GFRA2: variants seen among roughly 807,000 people sequenced by gnomAD.
GFRA2 encodes GDNF family receptor alpha-2.
In GFRA2, 17 loss-of-function variants were observed where a neutral mutation model predicts 48.3. That is an observed-to-expected ratio of 0.35 (90% CI 0.24 to 0.53). The LOEUF is 0.53. Among genes scored for constraint, GFRA2 ranks in the 20% least tolerant of loss-of-function variants. The pLI is 0.93. For missense variants in GFRA2, 660 were observed against 637.3 expected (o/e 1.04, Z -0.38); for synonymous variants, 305 against 257.2 (o/e 1.19, Z -1.78).
chr8:21,725,816 A>G (rs549253648), intron 4 of GFRA2, among the ~76,000 whole-genome samples: 1 of 152,334 alleles, frequency 6.6e-6, no homozygotes, highest in East Asian at 1.9e-4. Context: ...TCTCAGAGGC[A>G]TGCACATGTT....
In GFRA2 at chr8:21,702,797, A is replaced by C. The variant is rs754312575; in HGVS notation, c.1218+8T>G. On this transcript the variant is annotated splice_region_variant and intron_variant, in intron 7 of 8. Coordinates refer to ENST00000524240, the MANE Select transcript of GFRA2 (RefSeq NM_001495.5). ...TGCTCCCCCCACGCCTCAGCCACAC[A>C]CCCTCACCTGGACAGACGTGCAGGT... The C allele has an allele frequency of 1.3e-6, 2 of 1,587,302 alleles. No individual in the cohort carries two copies. Among genetic ancestry groups the C allele is most frequent in the South Asian group, 1.1e-5 (1 of 88,468 alleles).
intron 7 of GFRA2, among the ~76,000 whole-genome samples, chr8:21,696,331 TTGTTTTGTATATTGGAGTCTTAGC>T (rs550123127): frequency 2.6e-5 from 4 of 151,848 alleles, no homozygotes; most frequent in Non-Finnish European, 4.4e-5. Context: ...CCATTTTTAT[TTGTTTTGTATATTGGAGTCTTAGC>T]TGTTTTGTAT....
At position 21,750,836 on chromosome 8, in the gene GFRA2, G is replaced by A. The variant is rs745879940; in HGVS notation, c.546C>T (p.Ile182=). The change falls in exon 4 of 9, where the codon ATC becomes ATT. Residue 182 remains isoleucine, a synonymous_variant. Coordinates refer to ENST00000524240, the MANE Select transcript of GFRA2 (RefSeq NM_001495.5). This position sits in a 1 kb window ranked among gnomAD's most constrained non-coding sequence, Gnocchi z 5.7. The part of the protein sequence containing the change: ...DNCKKLRSSY[I]SICNREISPT... Reference sequence around the variant, plus strand: ...GCGAGATCTCGCGGTTGCAGATGGAGATGTAGGAGGAGCGCAGCTTCTTGC... The same window carrying A: ...GCGAGATCTCGCGGTTGCAGATGGAAATGTAGGAGGAGCGCAGCTTCTTGC... 1.9e-6 allele frequency: 3 copies of A among 1,613,992 alleles called. No homozygotes were observed. The highest frequency in any genetic ancestry group is 1.7e-6 in the Non-Finnish European group (2 of 1,179,866).
chr8:21,735,199 G>C (rs10216392), intron 4 of GFRA2, among the ~76,000 whole-genome samples: 1 of 152,058 alleles, frequency 6.6e-6, no homozygotes, highest in African/African-American at 2.4e-5. Context: ...TAAATTGACT[G>C]AGATCTGTCT....
At position 21,769,255 on chromosome 8, in the gene GFRA2, C is replaced by CCGCCCCAGCA. The variant is rs1806328902; in HGVS notation, c.439+5716_439+5717insTGCTGGGGCG. ...AGTCTGGCCCCAGCCCCGCCCCAGC[C>CCGCCCCAGCA]CCGCCCCTGCCCTGCCCCTTCCATG... On this transcript the variant is annotated intron_variant, in intron 3 of 8. Coordinates refer to ENST00000524240, the MANE Select transcript of GFRA2 (RefSeq NM_001495.5). 2.3e-5 allele frequency: 15 copies of CCGCCCCAGCA among 654,080 alleles called. 1 individual carries two copies. Among genetic ancestry groups the CCGCCCCAGCA allele is most frequent in the Middle Eastern group, 1.6e-3 (2 of 1,260 alleles). 40.5% of individuals were successfully genotyped at this position (654,080 alleles called of 1,614,324 possible).
chr8:21,781,632 C>T (rs112349814), intron 2 of GFRA2, among the ~76,000 whole-genome samples: 7,151 of 151,234 alleles, frequency 0.047, 221 homozygotes, highest in Non-Finnish European at 0.072. Context: ...CATCAAATGA[C>T]AGAAGCCCCC....
chr8:21,787,821 G>A (rs986698583), intron 1 of GFRA2, among the ~76,000 whole-genome samples: 2 of 152,128 alleles, frequency 1.3e-5, no homozygotes, highest in Non-Finnish European at 1.5e-5. Flanking sequence ...GGGGAGATGC[G>A]CGCTATACTG....
At position 21,788,455 on chromosome 8, in the gene GFRA2, GTC is replaced by G; in HGVS notation, c.-298_-297del. On this transcript the variant is annotated 5_prime_UTR_variant, in exon 1 of 9. Transcript: ENST00000524240. The stretch of plus-strand genomic sequence containing the variant: ...TCTAAGCCAACAGCCCAGTCCTGGG[GTC>G]AGCCCTCCCCTCCAATCGTCCGGGA... The G allele has an allele frequency of 8.7e-7, 1 of 1,149,372 alleles. No individual in the cohort carries two copies. The highest frequency in any genetic ancestry group is 1.1e-6 in the Non-Finnish European group (1 of 935,964). 71.2% of individuals were successfully genotyped at this position (1,149,372 alleles called of 1,614,324 possible).
intron 7 of GFRA2, among the ~76,000 whole-genome samples, chr8:21,695,336 G>C (rs992712968): frequency 1.3e-5 from 2 of 152,152 alleles, no homozygotes; most frequent in Admixed American, 1.3e-4. Flanking sequence ...CAAATGGCTT[G>C]TTCCCAGGGC....
rs202119343 is a variant in GFRA2, at chr8:21,759,319, G to A, written c.440-8377C>T. On this transcript the variant is annotated intron_variant, in intron 3 of 8. Coordinates refer to ENST00000524240, the MANE Select transcript of GFRA2 (RefSeq NM_001495.5). Reference sequence around the variant, plus strand: ...GAGAATGGCTTGAACCCAGGAGGCAGAGGTTGCAGAGAGGCAAGAACGCAC... The same window carrying A: ...GAGAATGGCTTGAACCCAGGAGGCAAAGGTTGCAGAGAGGCAAGAACGCAC... 1.5e-4 allele frequency among the ~76,000 whole-genome samples: 23 copies of A among 151,626 alleles called. No individual in the cohort carries two copies. The East Asian group carries it at 4.3e-3, about 28-fold the overall frequency.
intron 7 of GFRA2, among the ~76,000 whole-genome samples, chr8:21,702,323 G>C (rs1425029113): frequency 6.6e-6 from 1 of 152,218 alleles, no homozygotes; most frequent in Non-Finnish European, 1.5e-5. Flanking sequence ...GAAGGAAGCA[G>C]AAAGAGAAGG....
In GFRA2 at chr8:21,693,240, C is replaced by G. The variant is rs143786626; in HGVS notation, c.*38G>C. On this transcript the variant is annotated 3_prime_UTR_variant, in exon 9 of 9. Coordinates refer to ENST00000524240, the MANE Select transcript of GFRA2 (RefSeq NM_001495.5). The stretch of plus-strand genomic sequence containing the variant: ...TTCGTCAGGCGGCTGTTCTTGTCTG[C>G]GTAGCTTTCAAAAATATTCTGACTC... 8.3e-4 allele frequency: 1,324 copies of G among 1,588,494 alleles called. 15 individuals are homozygous for G. In the East Asian group the frequency reaches 0.027, roughly 32 times the overall value.
At chr8:21,704,692 G>C (rs1354287172) in intron 6 of GFRA2, among the ~76,000 whole-genome samples, 2 of 152,178 alleles carry the variant, frequency 1.3e-5, no homozygotes, top group Non-Finnish European at 2.9e-5. Flanking sequence ...CCTCATGAGA[G>C]GGCTCAGTCT....
chr8:21,758,182 C>T (rs1805675360), intron 3 of GFRA2, among the ~76,000 whole-genome samples: 1 of 147,334 alleles, frequency 6.8e-6, no homozygotes, highest in South Asian at 2.2e-4. Context: ...AGGGGAGGAG[C>T]AGGGCTGCCC....
chr8:21,710,425 G>C (rs1234337093), intron 4 of GFRA2, among the ~76,000 whole-genome samples: 1 of 152,216 alleles, frequency 6.6e-6, no homozygotes, highest in Non-Finnish European at 1.5e-5. Flanking sequence ...ATCCTGCAAG[G>C]TGGATCTCGG....
chr8:21,739,319 A>G (rs1392433903), intron 4 of GFRA2, among the ~76,000 whole-genome samples: 3 of 152,178 alleles, frequency 2.0e-5, no homozygotes, highest in Non-Finnish European at 4.4e-5. Context: ...CACTCCTCTA[A>G]TGCTGGCAAG....
At chr8:21,726,180 C>A (rs907607147) in intron 4 of GFRA2, among the ~76,000 whole-genome samples, 13 of 152,334 alleles carry the variant, frequency 8.5e-5, no homozygotes, top group African/African-American at 2.9e-4. Flanking sequence ...GGCACCCACG[C>A]ACTTCCTATC....
In GFRA2 at chr8:21,728,940, G is replaced by A. The variant is rs1178953222; in HGVS notation, c.794+21648C>T. Among the ~76,000 whole-genome samples, 11 of 152,218 alleles carry A rather than the reference G, an allele frequency of 7.2e-5. 1 individual carries two copies. On this transcript the variant is annotated intron_variant, in intron 4 of 8. Transcript: ENST00000524240. ...GGGGGTAGTTCTCCTCTGCAGCCTTGCTGTCTGGGGTCTGGACAGCAGAAT... is the reference window on the plus strand; with the variant it reads ...GGGGGTAGTTCTCCTCTGCAGCCTTACTGTCTGGGGTCTGGACAGCAGAAT...
intron 7 of GFRA2, among the ~76,000 whole-genome samples, chr8:21,700,817 T>C (rs1262796440): frequency 6.6e-6 from 1 of 151,860 alleles, no homozygotes; most frequent in Admixed American, 6.6e-5. Flanking sequence ...GTGTACAGGC[T>C]CCCCCACCCT....
Sources: allele counts gnomAD v4.1 joint callset (sites outside exome capture counted in the v4.1 genomes callset), GRCh38; gene constraint gnomAD v4.1.1; non-coding constraint Gnocchi (gnomAD v3.1); transcripts MANE v1.5; gene names NCBI Gene and HGNC (gene_info 2026-07-23, HGNC 2026-07-21).